ZNF362: variants seen among roughly 807,000 people sequenced by gnomAD.
ZNF362 encodes the protein zinc finger protein 362.
In ZNF362, 11 loss-of-function variants were observed where a neutral mutation model predicts 42.9. The observed-to-expected ratio is 0.26, with a 90% CI of 0.16 to 0.42. The LOEUF (loss-of-function observed/expected upper bound fraction) is 0.42, where lower values mean the gene tolerates loss of function less well. Among genes scored for constraint, ZNF362 ranks in the 20% least tolerant of loss-of-function variants. The probability of loss-of-function intolerance (pLI) is 1.00; values close to 1 mark genes in which losing one functional copy is unlikely to be tolerated. For missense variants in ZNF362, 362 were observed against 576.2 expected (o/e 0.63, Z 3.81); for synonymous variants, 255 against 257.3 (o/e 0.99, Z 0.09).
intron 2 of ZNF362, among the ~76,000 whole-genome samples, 173 bp from the exon 3 acceptor site, chr1:33,275,927 G>A (rs575699414): frequency 2.0e-5 from 3 of 152,290 alleles, no homozygotes; most frequent in Non-Finnish European, 2.9e-5. Context: ...TTTTCAGCCT[G>A]GAGATGTGGC....
At chr1:33,262,874 C>G (rs115920965) in intron 1 of ZNF362, among the ~76,000 whole-genome samples, 6,628 of 152,310 alleles carry the variant, frequency 0.044, 164 homozygotes, top group African/African-American at 0.067. Context: ...GGAAGCATGT[C>G]TGCTGGAGTG....
chr1:33,206,883 A>C, the ZNF362 span, among the ~76,000 whole-genome samples: 4 of 152,316 alleles, frequency 2.6e-5, no homozygotes, highest in Admixed American at 2.0e-4. Flanking sequence ...ATAAGATACT[A>C]CTATGCACCT....
At chr1:33,258,393 G>A (rs1206494127) in intron 1 of ZNF362, among the ~76,000 whole-genome samples, 1 of 152,182 alleles carries the variant, frequency 6.6e-6, no homozygotes, top group African/African-American at 2.4e-5. Context: ...CCTGGTTTGT[G>A]TCCTGGCTCC....
At chr1:33,229,171 T>C in the ZNF362 span, among the ~76,000 whole-genome samples, 1 of 152,134 alleles carries the variant, frequency 6.6e-6, no homozygotes, top group African/African-American at 2.4e-5. Context: ...AGCCCCTCTC[T>C]TTCCTTTTCT....
At chr1:33,250,852 G>GAAGAAGAAGAA in the ZNF362 span, among the ~76,000 whole-genome samples, 73 of 137,592 alleles carry the variant, frequency 5.3e-4, no homozygotes, top group African/African-American at 1.5e-3. Flanking sequence ...GAAGAAAGAA[G>GAAGAAGAAGAA]GAAGAAGAAG....
At chr1:33,236,749 C>T in the ZNF362 span, among the ~76,000 whole-genome samples, 601 of 151,250 alleles carry the variant, frequency 4.0e-3, 4 homozygotes, top group African/African-American at 0.014. Flanking sequence ...TGTTAATTAG[C>T]TTTATTTAAT....
chr1:33,245,011 A>T, the ZNF362 span, among the ~76,000 whole-genome samples: 2 of 152,204 alleles, frequency 1.3e-5, no homozygotes, highest in African/African-American at 4.8e-5. Context: ...TGTCAGGTGC[A>T]CAGGGTCTAG....
the ZNF362 span, among the ~76,000 whole-genome samples, chr1:33,208,773 G>A: frequency 3.3e-5 from 5 of 152,026 alleles, no homozygotes; most frequent in East Asian, 7.7e-4. Flanking sequence ...CATTGATTTT[G>A]TATCCTGAGA....
the ZNF362 span, among the ~76,000 whole-genome samples, chr1:33,162,144 A>G: frequency 1.3e-5 from 2 of 152,196 alleles, no homozygotes; most frequent in Non-Finnish European, 2.9e-5. Flanking sequence ...CTAAAGTGCC[A>G]ACTGAATCAC....
intron 1 of ZNF362, chr1:33,261,200 C>A (rs529273138): frequency 1.1e-3 from 174 of 152,222 alleles, no homozygotes; most frequent in African/African-American, 4.0e-3. Context: ...GAGCAGGAAT[C>A]CTTTTCCCAC....
chr1:33,161,849 A>C, the ZNF362 span, among the ~76,000 whole-genome samples: 1 of 151,826 alleles, frequency 6.6e-6, no homozygotes, highest in African/African-American at 2.4e-5. The surrounding 1 kb of genome is among the most constrained non-coding windows in gnomAD (Gnocchi z 4.3). Context: ...TTTGCCTCCC[A>C]TCTCTGTGAC....
At chr1:33,272,712 T>C (rs1157114684) in intron 2 of ZNF362, among the ~76,000 whole-genome samples, 1 of 152,088 alleles carries the variant, frequency 6.6e-6, no homozygotes, top group Admixed American at 6.5e-5. Context: ...TCCCCTCTGC[T>C]TCACTGCTCC....
chr1:33,269,277 T>TA (rs1645885353), intron 1 of ZNF362, among the ~76,000 whole-genome samples: 2 of 152,326 alleles, frequency 1.3e-5, no homozygotes, highest in South Asian at 4.1e-4. Flanking sequence ...AGAATAAATT[T>TA]ATTGTTTTCA....
intron 2 of ZNF362, chr1:33,274,943 T>G: frequency 3.0e-6 from 3 of 985,296 alleles, no homozygotes; most frequent in Non-Finnish European, 3.6e-6. Context: ...ATATTGAGAT[T>G]AGATTGTGTC....
At chr1:33,244,502 A>G in the ZNF362 span, among the ~76,000 whole-genome samples, 1 of 152,252 alleles carries the variant, frequency 6.6e-6, no homozygotes, top group Non-Finnish European at 1.5e-5. This position sits in a 1 kb window ranked among gnomAD's most constrained non-coding sequence, Gnocchi z 4.0. Context: ...AGGAATGACC[A>G]AGGGGACAAG....
At chr1:33,139,129 T>A in the ZNF362 span, among the ~76,000 whole-genome samples, 1 of 152,182 alleles carries the variant, frequency 6.6e-6, no homozygotes, top group African/African-American at 2.4e-5. Flanking sequence ...TATAATTTGT[T>A]AAAAAAGCAA....
the ZNF362 span, among the ~76,000 whole-genome samples, chr1:33,167,696 C>T: frequency 1.3e-5 from 2 of 152,196 alleles, no homozygotes; most frequent in Non-Finnish European, 2.9e-5. The surrounding 1 kb of genome is among the most constrained non-coding windows in gnomAD (Gnocchi z 4.2). Flanking sequence ...GGCTGACTTA[C>T]CTGTTCACAT....
intron 2 of ZNF362, chr1:33,275,046 T>A (rs752406878): frequency 7.1e-6 from 7 of 985,338 alleles, no homozygotes; most frequent in Non-Finnish European, 7.2e-6. Flanking sequence ...TGAAAGCACT[T>A]CATTTTGGTC....
chr1:33,280,577 G>C lies in ZNF362; in HGVS notation c.683+120G>C. On this transcript the variant is annotated intron_variant, in intron 5 of 8. Transcript: ENST00000539719. The surrounding 1 kb of genome is among the most constrained non-coding windows in gnomAD (Gnocchi z 5.6). ...CCCTTAGGGCTGAGGGGCAGGGCTA[G>C]GGTCCAGAGGGGCGGGGCCTTCTGG... 1.4e-6 allele frequency: 2 copies of C among 1,439,512 alleles called. No individual in the cohort carries two copies. Among genetic ancestry groups the C allele is most frequent in the Non-Finnish European group, 1.8e-6 (2 of 1,093,888 alleles). The allele number at this position is 1,439,512 out of a possible 1,614,324, so 89.2% of individuals were successfully genotyped here. A position where few individuals can be genotyped will look rare whatever the true frequency, so the allele number is the denominator to read the frequency against.
Sources: gnomAD v4.1 joint callset for allele counts (sites outside exome capture counted in the v4.1 genomes callset) on GRCh38, gnomAD v4.1.1 for gene constraint, Gnocchi (gnomAD v3.1) non-coding constraint, MANE v1.5 for transcripts, NCBI Gene and HGNC (gene_info 2026-07-23, HGNC 2026-07-21) for gene names.